VPS13C: variants seen among roughly 807,000 people sequenced by gnomAD.
The protein encoded by VPS13C is intermembrane lipid transfer protein VPS13C.
A neutral mutation model predicts 456.8 loss-of-function variants in VPS13C; 358 were observed. The ratio of observed to expected loss-of-function variants is 0.78; its 90% CI spans 0.72 to 0.86. VPS13C has a LOEUF of 0.86. Ranked by LOEUF, VPS13C falls within the 40% of genes least tolerant of loss-of-function variation. The pLI, the probability that VPS13C is intolerant of heterozygous loss-of-function variation, is 0.00. For synonymous variants in VPS13C, 1,578 were observed against 1,486.7 expected, an observed-to-expected ratio of 1.06 and a Z score of -1.41; for missense variants, 4,818 against 4,385.4, an observed-to-expected ratio of 1.10 and a Z score of -2.79.
intron 51 of VPS13C, among the ~76,000 whole-genome samples, chr15:61,927,750 T>G (rs1327373311): frequency 6.6e-6 from 1 of 152,142 alleles, no homozygotes. Context: ...CACACGTATG[T>G]TTATTGCGGC....
Position 62,060,391 on chromosome 15 carries a change from A to T in VPS13C, c.-17T>A. ...CAGCACCATGGTGGCGCTGAGGCACAAGGAGAGGGAGGAGCCGGAACCGCC... is the reference window on the plus strand; with the variant it reads ...CAGCACCATGGTGGCGCTGAGGCACTAGGAGAGGGAGGAGCCGGAACCGCC... On this transcript the variant is annotated 5_prime_UTR_variant, in exon 1 of 85. Coordinates refer to ENST00000644861, the MANE Select transcript of VPS13C (RefSeq NM_020821.3). The T allele has an allele frequency of 6.8e-7, 1 of 1,471,314 alleles. No individual in the cohort carries two copies. Among genetic ancestry groups the T allele is most frequent in the Non-Finnish European group, 9.3e-7 (1 of 1,071,416 alleles). The allele number at this position is 1,471,314 out of a possible 1,614,324, so 91.1% of individuals were successfully genotyped here.
intron 15 of VPS13C, among the ~76,000 whole-genome samples, chr15:62,005,463 C>G (rs1567098755): frequency 6.6e-6 from 1 of 152,104 alleles, no homozygotes; most frequent in Non-Finnish European, 1.5e-5. Context: ...GGTCTTGACT[C>G]TTTATCCAAT....
Position 61,959,466 on chromosome 15 carries a change from T to C in VPS13C, c.4038A>G (p.Gly1346=). 6.2e-7 allele frequency: 1 copy of C among 1,611,480 alleles called. No individual in the cohort carries two copies. The highest frequency in any genetic ancestry group is 1.3e-5 in the African/African-American group (1 of 74,970). Residue 1346 remains glycine, a synonymous_variant, in exon 36 of 85, where the codon GGA becomes GGG. Transcript: ENST00000644861. ...TACTTACATTCATTGAATCAAGATG[T>C]CCTTTAATTTCCACAACAGGCACCT... ...YHKVPVVEIK[G]HLDSMNVSLN...
intron 5 of VPS13C, 102 bp downstream of exon 5, chr15:62,033,339 G>A: frequency 1.6e-6 from 1 of 644,266 alleles, no homozygotes; most frequent in African/African-American, 1.9e-5. Context: ...TATGTCTTTA[G>A]AACTTCAACT....
At chr15:61,925,358 G>T (rs1247138411) in intron 53 of VPS13C, 98 bp downstream of exon 53, 12 of 596,740 alleles carry the variant, frequency 2.0e-5, no homozygotes, top group Non-Finnish European at 2.7e-5. Context: ...TAATGCTTGA[G>T]TTATGAGAGA....
At chr15:62,016,370 C>G (rs1175889802) in intron 9 of VPS13C, among the ~76,000 whole-genome samples, 3 of 151,830 alleles carry the variant, frequency 2.0e-5, no homozygotes, top group Non-Finnish European at 4.4e-5. Flanking sequence ...GTGCTGCACC[C>G]ATTAACTCGT....
chr15:61,905,614 T>C (rs1429010226), intron 66 of VPS13C, among the ~76,000 whole-genome samples: 1 of 152,150 alleles, frequency 6.6e-6, no homozygotes, highest in Non-Finnish European at 1.5e-5. Flanking sequence ...CATTAATATA[T>C]GATATGTCCT....
chr15:61,949,401 A>C, intron 42 of VPS13C, 42 bp downstream of exon 42: 1 of 1,584,910 alleles, frequency 6.3e-7, no homozygotes, highest in Middle Eastern at 1.7e-4. Context: ...TATGATTATT[A>C]AAGTTCAAAG....
intron 13 of VPS13C, among the ~76,000 whole-genome samples, chr15:62,010,156 C>T (rs2046991267): frequency 6.6e-6 from 1 of 151,750 alleles, no homozygotes; most frequent in African/African-American, 2.4e-5. Flanking sequence ...CACCACTGCA[C>T]TCCAGCCTGG....
At chr15:62,051,908 A>C (rs75791140) in intron 1 of VPS13C, among the ~76,000 whole-genome samples, 1,703 of 152,322 alleles carry the variant, frequency 0.011, 29 homozygotes, top group African/African-American at 0.039. Context: ...ACAAGTTATG[A>C]TTTAGAACTA....
intron 20 of VPS13C, among the ~76,000 whole-genome samples, chr15:61,983,197 A>G (rs1403603694): frequency 6.6e-6 from 1 of 152,162 alleles, no homozygotes; most frequent in Non-Finnish European, 1.5e-5. Flanking sequence ...ACACACACAC[A>G]CTTTATTTAG....
rs1194825747 is a variant in VPS13C, at chr15:61,942,332, A to G, written c.5149-265T>C. Reference sequence around the variant, plus strand: ...TTTATAAAATATAAAATAATTGAGAATTATTTTATTCTCATGATAAATTTT... The same window carrying G: ...TTTATAAAATATAAAATAATTGAGAGTTATTTTATTCTCATGATAAATTTT... On this transcript the variant is annotated intron_variant, in intron 45 of 84. Transcript: ENST00000644861. Among the ~76,000 whole-genome samples the G allele has an allele frequency of 3.3e-5, 5 of 151,546 alleles. No homozygotes were observed. In the East Asian group the frequency reaches 9.7e-4, roughly 29 times the overall value.
At chr15:62,013,518 T>A (rs2047119327) in intron 10 of VPS13C, among the ~76,000 whole-genome samples, 1 of 151,978 alleles carries the variant, frequency 6.6e-6, no homozygotes, top group African/African-American at 2.4e-5. Flanking sequence ...GAAAGCTACA[T>A]ACTAAATAGC....
chr15:61,925,380 A>T, intron 53 of VPS13C, 76 bp downstream of exon 53: 1 of 767,700 alleles, frequency 1.3e-6, no homozygotes, highest in Non-Finnish European at 1.9e-6. Context: ...ATCAAAAGAT[A>T]CTGTCTCAAC....
intron 31 of VPS13C, 31 bp from the exon 32 acceptor site, chr15:61,963,982 G>A (rs2045298657): frequency 7.2e-7 from 1 of 1,390,734 alleles, no homozygotes; most frequent in Non-Finnish European, 1.0e-6. Context: ...CTGTCACATG[G>A]TGAGATTCTA....
In VPS13C at chr15:61,899,321, T is replaced by G. The variant is rs2042926236; in HGVS notation, c.9105+7943A>C. 2.2e-5 allele frequency among the ~76,000 whole-genome samples: 3 copies of G among 135,510 alleles called. No individual in the cohort carries two copies. In the South Asian group the frequency reaches 7.8e-4, roughly 35 times the overall value. The allele number at this position is 135,510 out of a possible 152,430, so 88.9% of individuals were successfully genotyped here. On this transcript the variant is annotated intron_variant, in intron 66 of 84. Coordinates refer to ENST00000644861, the MANE Select transcript of VPS13C (RefSeq NM_020821.3). ...AAAATTAATGAATCCAGGAGCTGGT[T>G]TTTTGAAAGGATCAACAAAATTGAT...
At chr15:62,043,451 C>A (rs1372818535) in intron 2 of VPS13C, among the ~76,000 whole-genome samples, 1 of 151,972 alleles carries the variant, frequency 6.6e-6, no homozygotes, top group Admixed American at 6.6e-5. Flanking sequence ...ACTAAAAATA[C>A]AAAAATTACC....
rs547640173 is a variant in VPS13C, at chr15:62,003,519, C to T, written c.1291-2893G>A. On this transcript the variant is annotated intron_variant, in intron 15 of 84. Coordinates refer to ENST00000644861, the MANE Select transcript of VPS13C (RefSeq NM_020821.3). ...AATTGAATACCCTTTAGTTCCTTCT[C>T]CTGCCTAATTGCCCTGGCCAGAACT... Among the ~76,000 whole-genome samples the T allele has an allele frequency of 5.2e-4, 79 of 152,228 alleles. No homozygotes were observed. In the South Asian group the frequency reaches 0.013, roughly 26 times the overall value.
chr15:61,954,138 T>G (rs577620799), intron 38 of VPS13C, among the ~76,000 whole-genome samples: 2 of 152,330 alleles, frequency 1.3e-5, no homozygotes, highest in Non-Finnish European at 2.9e-5. Flanking sequence ...GACACTATTG[T>G]CCTTTCCTGC....
Sources: allele counts gnomAD v4.1 joint callset (sites outside exome capture counted in the v4.1 genomes callset), GRCh38; gene constraint gnomAD v4.1.1; transcripts MANE v1.5; gene names NCBI Gene and HGNC (gene_info 2026-07-23, HGNC 2026-07-21).